Variants in GPR158 observed in about 807,000 individuals in gnomAD.
The protein encoded by GPR158 is G protein-coupled receptor 158, also known as metabotropic glycine receptor.
GPR158 carries 30 observed loss-of-function variants against 78.2 expected under a neutral mutation model. That is an observed-to-expected ratio of 0.38 (90% CI 0.29 to 0.52). The LOEUF (loss-of-function observed/expected upper bound fraction) is 0.52, where lower values mean the gene tolerates loss of function less well. Among genes scored for constraint, GPR158 ranks in the 20% least tolerant of loss-of-function variants. The probability of loss-of-function intolerance (pLI) is 0.83; values close to 1 mark genes in which losing one functional copy is unlikely to be tolerated. For synonymous variants in GPR158, 581 were observed against 591.1 expected (o/e 0.98, Z 0.25); for missense variants, 1,463 against 1,523.5 (o/e 0.96, Z 0.66).
Position 25,599,480 on chromosome 10 carries a change from T to TC in GPR158, c.*208dup. 1.3e-5 allele frequency: 7 copies of TC among 553,144 alleles called. No individual in the cohort carries two copies. Among genetic ancestry groups the TC allele is most frequent in the African/African-American group, 1.1e-4 (6 of 53,126 alleles). The allele number at this position is 553,144 out of a possible 1,614,324, so 34.3% of individuals were successfully genotyped here. A position where few individuals can be genotyped will look rare whatever the true frequency, so the allele number is the denominator to read the frequency against. ...AGAAGTCAGACTTTGGTCAAGAAAG[T>TC]CCTTCCCTTGGTAACACTAGGAAAA... On this transcript the variant is annotated 3_prime_UTR_variant, in exon 11 of 11. Coordinates refer to ENST00000376351, the MANE Select transcript of GPR158 (RefSeq NM_020752.3).
At chr10:25,209,938 T>C (rs1853105987) in intron 1 of GPR158, among the ~76,000 whole-genome samples, 1 of 152,194 alleles carries the variant, frequency 6.6e-6, no homozygotes, top group South Asian at 2.1e-4. Flanking sequence ...GTTCTGGGCT[T>C]GAGCTAAATG....
intron 2 of GPR158, among the ~76,000 whole-genome samples, chr10:25,293,355 G>A (rs1854466836): frequency 6.6e-6 from 1 of 152,154 alleles, no homozygotes; most frequent in South Asian, 2.1e-4. Context: ...TACATAGTAG[G>A]TATGGTCTGC....
chr10:25,586,561 C>A (rs1171949589), intron 7 of GPR158, among the ~76,000 whole-genome samples: 2 of 151,814 alleles, frequency 1.3e-5, no homozygotes, highest in Non-Finnish European at 2.9e-5. Flanking sequence ...TGCCACCACA[C>A]CAGGCTAATT....
chr10:25,433,578 CGCGTGCGCGT>C (rs927890647), intron 4 of GPR158, among the ~76,000 whole-genome samples: 7 of 122,208 alleles, frequency 5.7e-5, no homozygotes, highest in Non-Finnish European at 7.2e-5. Context: ...TGTGCGCGCG[CGCGTGCGCGT>C]GCGCATATAT....
At chr10:25,251,507 T>A (rs1418866691) in intron 2 of GPR158, among the ~76,000 whole-genome samples, 2 of 151,948 alleles carry the variant, frequency 1.3e-5, no homozygotes, top group African/African-American at 4.8e-5. Context: ...AGGGCAGGTC[T>A]GGTGGTGACA....
intron 5 of GPR158, among the ~76,000 whole-genome samples, chr10:25,527,274 T>C (rs1430229794): frequency 6.6e-6 from 1 of 152,136 alleles, no homozygotes; most frequent in Non-Finnish European, 1.5e-5. Context: ...GATGAACTAA[T>C]TGATATACAC....
At chr10:25,548,105 TTTTGAAGGTAACATTTTCC>T (rs1408961077) in intron 5 of GPR158, among the ~76,000 whole-genome samples, 1 of 152,186 alleles carries the variant, frequency 6.6e-6, no homozygotes, top group African/African-American at 2.4e-5. Flanking sequence ...AAATCATTTA[TTTTGAAGGTAACATTTTCC>T]TTTTAAAATT....
At chr10:25,420,598 A>T (rs1834736463) in intron 4 of GPR158, among the ~76,000 whole-genome samples, 1 of 152,088 alleles carries the variant, frequency 6.6e-6, no homozygotes, top group African/African-American at 2.4e-5. Flanking sequence ...TAGTTTTAGG[A>T]TTCACATTAG....
intron 2 of GPR158, among the ~76,000 whole-genome samples, chr10:25,376,895 CAT>C (rs1038562981): frequency 3.3e-5 from 5 of 151,334 alleles, no homozygotes; most frequent in Admixed American, 2.0e-4. Flanking sequence ...ATGTATATAA[CAT>C]ATATATACAT....
At chr10:25,198,961 G>T (rs1852880712) in intron 1 of GPR158, among the ~76,000 whole-genome samples, 1 of 137,754 alleles carries the variant, frequency 7.3e-6, no homozygotes, top group African/African-American at 2.8e-5. Context: ...TTTCATCCTT[G>T]TTATTTGCTA....
At chr10:25,397,368 G>C (rs186211736) in intron 3 of GPR158, among the ~76,000 whole-genome samples, 47 of 152,314 alleles carry the variant, frequency 3.1e-4, no homozygotes, top group African/African-American at 8.9e-4. Context: ...AGTGGTAACA[G>C]GGGTGGTTTC....
intron 1 of GPR158, among the ~76,000 whole-genome samples, chr10:25,185,585 A>G (rs1251576908): frequency 6.6e-6 from 1 of 152,222 alleles, no homozygotes; most frequent in Non-Finnish European, 1.5e-5. Flanking sequence ...GCACTTTGGG[A>G]TGCCAAGGCA....
chr10:25,197,348 T>C (rs187391035), intron 1 of GPR158, among the ~76,000 whole-genome samples: 4 of 152,270 alleles, frequency 2.6e-5, no homozygotes. Context: ...TTGAGGAGAA[T>C]AGTATCAGTC....
chr10:25,434,374 A>G (rs1834968345), intron 4 of GPR158, among the ~76,000 whole-genome samples: 1 of 152,190 alleles, frequency 6.6e-6, no homozygotes, highest in Non-Finnish European at 1.5e-5. Context: ...TTTGAGTAGT[A>G]AAGCCAGTTA....
At chr10:25,412,136 G>T (rs931039696) in intron 3 of GPR158, 114 bp from the exon 4 acceptor site, 6 of 735,588 alleles carry the variant, frequency 8.2e-6, no homozygotes, top group Admixed American at 4.1e-5. Context: ...TTGACAAAAG[G>T]TCTTTAATAA....
chr10:25,348,463 A>G (rs1344422388), intron 2 of GPR158, among the ~76,000 whole-genome samples: 1 of 151,094 alleles, frequency 6.6e-6, no homozygotes, highest in Non-Finnish European at 1.5e-5. Flanking sequence ...TTATATCCCC[A>G]TCAATAAGTA....
intron 2 of GPR158, among the ~76,000 whole-genome samples, chr10:25,309,727 A>G (rs956690601): frequency 2.6e-5 from 4 of 152,210 alleles, no homozygotes; most frequent in African/African-American, 9.6e-5. Flanking sequence ...TTCTCAGGAT[A>G]GTGAATAAGT....
At chr10:25,293,394 G>A (rs1854467497) in intron 2 of GPR158, among the ~76,000 whole-genome samples, 1 of 152,032 alleles carries the variant, frequency 6.6e-6, no homozygotes, top group South Asian at 2.1e-4. Context: ...AAATAAATGG[G>A]GATCATCTTC....
intron 6 of GPR158, among the ~76,000 whole-genome samples, chr10:25,556,019 A>T (rs943737611): frequency 3.9e-5 from 6 of 152,194 alleles, no homozygotes; most frequent in African/African-American, 1.4e-4. Flanking sequence ...TATTTATTTT[A>T]TGTATTCTTA....
Sources: allele counts gnomAD v4.1 joint callset (sites outside exome capture counted in the v4.1 genomes callset), GRCh38; gene constraint gnomAD v4.1.1; transcripts MANE v1.5; gene names NCBI Gene and HGNC (gene_info 2026-07-23, HGNC 2026-07-21).